Variants in N4BP2L2 observed in about 807,000 individuals in gnomAD.
N4BP2L2 encodes NEDD4 binding protein 2 like 2, also known as NEDD4-binding protein 2-like 2.
Under a neutral mutation model 56.2 loss-of-function variants are expected in N4BP2L2, and 50 were observed. The ratio of observed to expected loss-of-function variants is 0.89; its 90% confidence interval spans 0.71 to 1.13. N4BP2L2 has a LOEUF of 1.13. N4BP2L2 is among the 50% of genes most tolerant of loss of function. The probability of loss-of-function intolerance (pLI) is 0.00; values close to 1 mark genes in which losing one functional copy is unlikely to be tolerated. For synonymous variants in N4BP2L2, 203 were observed against 223.6 expected, an observed-to-expected ratio of 0.91 and a Z score of 0.82; for missense variants, 689 against 693.8, an observed-to-expected ratio of 0.99 and a Z score of 0.08.
chr13:32,485,379 A>G (rs1288325437), intron 6 of N4BP2L2, among the ~76,000 whole-genome samples: 2 of 152,224 alleles, frequency 1.3e-5, no homozygotes, highest in African/African-American at 4.8e-5. Context: ...TTAAAGAAGA[A>G]TATCAATTCT....
exon 10 of N4BP2L2, chr13:32,432,639 C>T (rs2074994322): frequency 2.0e-5 from 3 of 152,120 alleles, no homozygotes. Flanking sequence ...AATGGGATCT[C>T]AGACCAATAC....
chr13:32,481,710 C>T (rs1280407948), intron 6 of N4BP2L2, among the ~76,000 whole-genome samples: 2 of 152,094 alleles, frequency 1.3e-5, no homozygotes, highest in African/African-American at 2.4e-5. Flanking sequence ...TTAATTCACA[C>T]CTCAAATCTT....
chr13:32,517,757 C>G lies in N4BP2L2; in HGVS notation c.*45G>C, dbSNP rs777328137. On this transcript the variant is annotated 3_prime_UTR_variant, in exon 6 of 6. Coordinates refer to ENST00000267068, the Ensembl canonical transcript of N4BP2L2. ...AAACTCCAAGACAGGCTCACTAACTCTTTTTCAAGTGCAACAACAAATGTG... is the reference window on the plus strand; with the variant it reads ...AAACTCCAAGACAGGCTCACTAACTGTTTTTCAAGTGCAACAACAAATGTG... 60 of 1,602,528 alleles carry G rather than the reference C, an allele frequency of 3.7e-5. 1 individual carries two copies. Among genetic ancestry groups the G allele is most frequent in the Middle Eastern group, 4.5e-4 (2 of 4,464 alleles).
intron 6 of N4BP2L2, among the ~76,000 whole-genome samples, chr13:32,466,175 T>A (rs1332045069): frequency 1.3e-5 from 2 of 152,186 alleles, no homozygotes; most frequent in East Asian, 3.8e-4. Flanking sequence ...AAGCAAATTA[T>A]ACTATGTTCA....
At chr13:32,435,486 G>A (rs1352483436) in intron 9 of N4BP2L2, among the ~76,000 whole-genome samples, 1 of 151,934 alleles carries the variant, frequency 6.6e-6, no homozygotes, top group Non-Finnish European at 1.5e-5. Flanking sequence ...TGCCTGCCTC[G>A]GCCTCCCAAA....
chr13:32,533,655 G>A (rs1209567936), intron 2 of N4BP2L2, among the ~76,000 whole-genome samples: 1 of 151,444 alleles, frequency 6.6e-6, no homozygotes, highest in East Asian at 1.9e-4. Flanking sequence ...ATCTAGGCTG[G>A]TCTTGAATTC....
chr13:32,476,562 C>T (rs1237740127), intron 6 of N4BP2L2, among the ~76,000 whole-genome samples: 1 of 152,130 alleles, frequency 6.6e-6, no homozygotes, highest in South Asian at 2.1e-4. Context: ...TGCTGCCAGG[C>T]ACCTGGCAGA....
At chr13:32,451,668 A>G (rs1456214618) in intron 6 of N4BP2L2, among the ~76,000 whole-genome samples, 2 of 151,196 alleles carry the variant, frequency 1.3e-5, no homozygotes, top group Non-Finnish European at 2.9e-5. Context: ...TCAGCTTCCC[A>G]TGTAGCTGGG....
intron 3 of N4BP2L2, chr13:32,523,257 G>A (rs2051522945): frequency 6.6e-6 from 1 of 152,160 alleles, no homozygotes; most frequent in Admixed American, 6.5e-5. Context: ...CAGGTGTGGT[G>A]GTATGCGCCT....
intron 6 of N4BP2L2, among the ~76,000 whole-genome samples, chr13:32,448,127 C>G (rs1165114831): frequency 6.6e-6 from 1 of 152,160 alleles, no homozygotes; most frequent in Non-Finnish European, 1.5e-5. Flanking sequence ...ATTTCAGAAA[C>G]AGTGGACATG....
exon 6 of N4BP2L2, chr13:32,517,162 AAGG>A (rs1269769471): frequency 6.1e-6 from 6 of 985,286 alleles, no homozygotes; most frequent in Non-Finnish European, 7.2e-6. Context: ...ATGGGTTGAG[AAGG>A]AGGATGATAA....
chr13:32,537,997 G>A (rs368185286), intron 1 of N4BP2L2, among the ~76,000 whole-genome samples: 1 of 151,488 alleles, frequency 6.6e-6, no homozygotes, highest in African/African-American at 2.4e-5. Flanking sequence ...TTGAACCCGG[G>A]GGGGGCGGAG....
chr13:32,470,323 A>G (rs762016646), intron 6 of N4BP2L2, among the ~76,000 whole-genome samples: 15 of 152,190 alleles, frequency 9.9e-5, no homozygotes, highest in Non-Finnish European at 1.8e-4. Flanking sequence ...ATGTTATGCT[A>G]ACCTCTGATT....
At chr13:32,456,918 T>C (rs1248906628) in intron 6 of N4BP2L2, among the ~76,000 whole-genome samples, 3 of 152,116 alleles carry the variant, frequency 2.0e-5, no homozygotes, top group African/African-American at 7.2e-5. Context: ...AGTGGATCAC[T>C]TGAGCTCAGG....
intron 6 of N4BP2L2, among the ~76,000 whole-genome samples, chr13:32,488,019 G>A (rs780660980): frequency 7.2e-5 from 11 of 151,792 alleles, no homozygotes; most frequent in African/African-American, 2.4e-4. Flanking sequence ...CCACCACGCC[G>A]GACTAATAAG....
At chr13:32,471,478 T>C in intron 6 of N4BP2L2, among the ~76,000 whole-genome samples, 1 of 152,236 alleles carries the variant, frequency 6.6e-6, no homozygotes, top group Non-Finnish European at 1.5e-5. Context: ...ACTGCCCTGC[T>C]GTCACCGTGC....
chr13:32,524,522 GAGA>G (rs2052068876), intron 3 of N4BP2L2: 1 of 152,152 alleles, frequency 6.6e-6, no homozygotes, highest in South Asian at 2.1e-4. Flanking sequence ...CTGTTAGAAA[GAGA>G]AGAACTACAC....
intron 2 of N4BP2L2, among the ~76,000 whole-genome samples, chr13:32,531,039 C>G (rs1408517045): frequency 6.6e-6 from 1 of 152,134 alleles, no homozygotes; most frequent in Non-Finnish European, 1.5e-5. Context: ...CAGCAAGGAA[C>G]TGAAGTCTTC....
In N4BP2L2 at chr13:32,490,787, T is replaced by A. The variant is rs898834151; in HGVS notation, c.365+27070A>T. Among the ~76,000 whole-genome samples the A allele has an allele frequency of 3.3e-5, 5 of 152,196 alleles. No homozygotes were observed. In the East Asian group the frequency reaches 9.7e-4, roughly 29 times the overall value. ...GTTCACAATAGAGTTTGTGCTCCTA[T>A]GAGAATCTAATGCCACCGCTGATCT... On this transcript the variant is annotated intron_variant, in intron 6 of 9. Coordinates refer to the N4BP2L2 transcript ENST00000357505.
Sources: gnomAD v4.1 joint callset for allele counts (sites outside exome capture counted in the v4.1 genomes callset) on GRCh38, gnomAD v4.1.1 for gene constraint, MANE v1.5 for transcripts, NCBI Gene and HGNC (gene_info 2026-07-23, HGNC 2026-07-21) for gene names.